Variants in RBFOX1 observed in about 807,000 individuals in gnomAD.
RBFOX1 encodes RNA binding fox-1 homolog 1.
In RBFOX1, 8 loss-of-function variants were observed where a neutral mutation model predicts 57.7. The observed-to-expected ratio is 0.14, with a 90% CI of 0.08 to 0.25. The LOEUF (loss-of-function observed/expected upper bound fraction) is 0.25, where lower values mean the gene tolerates loss of function less well. Ranked by LOEUF, RBFOX1 falls within the 10% of genes least tolerant of loss-of-function variation. RBFOX1 has a pLI of 1.00. For missense variants in RBFOX1, 611 were observed against 548.5 expected (o/e 1.11, Z -1.14); for synonymous variants, 326 against 222.4 (o/e 1.47, Z -4.15).
chr16:5,712,139 T>G (rs894049886), intron 3 of RBFOX1, among the ~76,000 whole-genome samples: 1 of 152,194 alleles, frequency 6.6e-6, no homozygotes, highest in Non-Finnish European at 1.5e-5. Context: ...GCTCACTCTC[T>G]ATCATGAGAG....
chr16:5,917,145 C>T (rs541724156), intron 4 of RBFOX1, among the ~76,000 whole-genome samples: 2 of 152,148 alleles, frequency 1.3e-5, no homozygotes, highest in African/African-American at 4.8e-5. Context: ...CTGCTTTAGA[C>T]AACCGCTTCC....
At chr16:5,625,970 G>A (rs887468059) in intron 3 of RBFOX1, among the ~76,000 whole-genome samples, 2 of 152,190 alleles carry the variant, frequency 1.3e-5, no homozygotes, top group Admixed American at 1.3e-4. Context: ...TCCGCCTCCT[G>A]GGTTCAAACT....
chr16:6,014,852 C>G (rs1466450553), upstream of RBFOX1, among the ~76,000 whole-genome samples: 1 of 144,680 alleles, frequency 6.9e-6, no homozygotes, highest in Admixed American at 7.1e-5. Context: ...TGCTTGGCTA[C>G]TTGATTTTTT....
chr16:7,181,150 C>T (rs1303059488), intron 4 of RBFOX1, among the ~76,000 whole-genome samples: 1 of 152,150 alleles, frequency 6.6e-6, no homozygotes, highest in African/African-American at 2.4e-5. Flanking sequence ...TTGTCATGTG[C>T]CAGGTGGACG....
intron 2 of RBFOX1, among the ~76,000 whole-genome samples, chr16:6,463,905 C>T (rs1379236222): frequency 6.6e-6 from 1 of 151,954 alleles, no homozygotes; most frequent in African/African-American, 2.4e-5. Flanking sequence ...ATCAATCCTG[C>T]AGGAACCACC....
intron 3 of RBFOX1, among the ~76,000 whole-genome samples, chr16:6,698,339 C>G (rs1412832317): frequency 6.6e-6 from 1 of 152,156 alleles, no homozygotes; most frequent in African/African-American, 2.4e-5. Context: ...GTGGGAAAGT[C>G]TGCATTGATC....
At chr16:5,605,548 G>T (rs2047541606) in intron 3 of RBFOX1, among the ~76,000 whole-genome samples, 1 of 152,026 alleles carries the variant, frequency 6.6e-6, no homozygotes, top group Admixed American at 6.5e-5. Context: ...TGGTGCCATT[G>T]ATTAGTAATG....
intron 3 of RBFOX1, among the ~76,000 whole-genome samples, chr16:6,927,621 C>T (rs562032445): frequency 6.6e-6 from 1 of 152,082 alleles, no homozygotes; most frequent in African/African-American, 2.4e-5. Flanking sequence ...TTAGCAGGGG[C>T]TTAATAGACA....
intron 3 of RBFOX1, among the ~76,000 whole-genome samples, chr16:6,804,405 C>T (rs540661625): frequency 2.0e-5 from 3 of 152,236 alleles, no homozygotes; most frequent in East Asian, 1.9e-4. Context: ...TCTAGCCCTG[C>T]AGTATTTCAG....
At chr16:5,462,310 AG>A (rs1236408543) in intron 1 of RBFOX1, among the ~76,000 whole-genome samples, 1 of 151,726 alleles carries the variant, frequency 6.6e-6, no homozygotes, top group Non-Finnish European at 1.5e-5. Context: ...CTGGGACTAC[AG>A]GGGCCCGCCA....
chr16:7,642,688 GT>G (rs201346544), intron 11 of RBFOX1, among the ~76,000 whole-genome samples: 36 of 149,444 alleles, frequency 2.4e-4, no homozygotes, highest in East Asian at 1.6e-3. Flanking sequence ...AATTATTTGG[GT>G]TTTTTTTTTC....
intron 4 of RBFOX1, among the ~76,000 whole-genome samples, chr16:7,336,068 A>G (rs1422883728): frequency 6.6e-6 from 1 of 152,214 alleles, no homozygotes; most frequent in Admixed American, 6.5e-5. Flanking sequence ...CCAATGTACT[A>G]CTTAACACTA....
intron 3 of RBFOX1, among the ~76,000 whole-genome samples, chr16:6,841,568 T>A (rs1400081551): frequency 6.6e-6 from 1 of 152,162 alleles, no homozygotes. Context: ...AGGCCCTTTC[T>A]CCTACGAGCT....
rs188627442 is a variant in RBFOX1, at chr16:7,666,332, A to C, written c.930+1364A>C. On this transcript the variant is annotated intron_variant, in intron 13 of 15. Transcript: ENST00000550418. ...AAAGGGAATAGACAAGGGATAGAGA[A>C]ATGGTTTTTTAAAAAATCCACCAAA... Among the ~76,000 whole-genome samples, 90 of 152,262 alleles carry C rather than the reference A, an allele frequency of 5.9e-4. 1 individual carries two copies. The highest frequency in any genetic ancestry group is 1.1e-3 in the Non-Finnish European group (72 of 68,022).
At chr16:7,028,787 A>G (rs1189231565) in intron 3 of RBFOX1, among the ~76,000 whole-genome samples, 1 of 151,454 alleles carries the variant, frequency 6.6e-6, no homozygotes, top group East Asian at 2.0e-4. Flanking sequence ...GAAACCATGG[A>G]ACATCCAAAC....
At position 7,518,217 on chromosome 16, in the gene RBFOX1, C is replaced by G. The variant is rs750747492; in HGVS notation, c.98C>G (p.Pro33Arg). The change falls in exon 5 of 16, where the codon CCG becomes CGG. Residue 33 changes from proline to arginine, a missense_variant. Around this residue, in one of 3 missense-constraint regions of RBFOX1, gnomAD observed 245 missense variants for 159.1 expected, o/e 1.54. Transcript: ENST00000550418. ...QPYASAQFAPPQNGIPAEYTA... is the reference protein window; with the variant it reads ...QPYASAQFAPRQNGIPAEYTA... ...TACGCTTCGGCCCAGTTTGCTCCCC[C>G]GCAGAACGGTATCCCCGCGGAATAC... 3.1e-6 allele frequency: 5 copies of G among 1,614,112 alleles called. No individual in the cohort carries two copies. Among genetic ancestry groups the G allele is most frequent in the South Asian group, 1.1e-5 (1 of 91,064 alleles).
intron 2 of RBFOX1, among the ~76,000 whole-genome samples, chr16:5,579,788 C>G (rs1272054095): frequency 6.7e-6 from 1 of 149,690 alleles, no homozygotes; most frequent in Admixed American, 6.7e-5. Context: ...GAGAAGGAGT[C>G]TCGCTCTGTT....
intron 14 of RBFOX1, among the ~76,000 whole-genome samples, chr16:7,701,242 G>T (rs1304131112): frequency 6.9e-6 from 1 of 145,486 alleles, no homozygotes; most frequent in Non-Finnish European, 1.5e-5. Flanking sequence ...TGGAGACTTT[G>T]CTGCATTTTT....
chr16:5,354,446 C>T (rs1334411433), intron 1 of RBFOX1, among the ~76,000 whole-genome samples: 1 of 152,140 alleles, frequency 6.6e-6, no homozygotes, highest in African/African-American at 2.4e-5. Context: ...CTTGCCAAGC[C>T]CCGGTTTTCT....
Sources: allele counts gnomAD v4.1 joint callset (sites outside exome capture counted in the v4.1 genomes callset), GRCh38; gene constraint gnomAD v4.1.1; regional missense constraint gnomAD v4.1.1; transcripts MANE v1.5; gene names NCBI Gene and HGNC (gene_info 2026-07-23, HGNC 2026-07-21).